Variants in LMO7 observed in about 807,000 individuals in gnomAD.
The protein encoded by LMO7 is LIM domain 7.
LMO7 carries 120 observed loss-of-function variants against 206.5 expected under a neutral mutation model. The observed-to-expected ratio is 0.58, with a 90% CI of 0.50 to 0.68. The LOEUF is 0.68. Ranked by LOEUF, LMO7 falls within the 30% of genes least tolerant of loss-of-function variation. The pLI is 0.00. For synonymous variants in LMO7, 706 were observed against 681.5 expected, an observed-to-expected ratio of 1.04 and a Z score of -0.56; for missense variants, 1,959 against 1,957.9, an observed-to-expected ratio of 1.00 and a Z score of -0.01.
intron 1 of LMO7, among the ~76,000 whole-genome samples, chr13:75,702,979 T>G (rs1489952599): frequency 6.6e-6 from 1 of 152,226 alleles, no homozygotes; most frequent in Non-Finnish European, 1.5e-5. Context: ...CCATATAGTC[T>G]TTCAAAAAGT....
chr13:75,769,824 T>G (rs1401470429), intron 4 of LMO7, among the ~76,000 whole-genome samples: 1 of 152,144 alleles, frequency 6.6e-6, no homozygotes, highest in Non-Finnish European at 1.5e-5. Flanking sequence ...TTTCATTACA[T>G]TATAGTAATA....
In LMO7 at chr13:75,630,710, A is replaced by T. The variant is rs377604927; in HGVS notation, c.225+7390A>T. On this transcript the variant is annotated intron_variant, in intron 2 of 29. Coordinates refer to the LMO7 transcript ENST00000341547. ...CAAAAAAGAAATAGCCACTGTTAAA[A>T]GTTCAGTGATGTTTTTCCCAAATTG... Among the ~76,000 whole-genome samples the T allele has an allele frequency of 1.4e-4, 22 of 152,360 alleles. 1 individual carries two copies. The East Asian group carries it at 4.2e-3, about 29-fold the overall frequency.
Position 75,823,712 on chromosome 13 carries a change from G to A in LMO7, c.2788G>A (p.Asp930Asn). Residue 930 changes from aspartate (D) to asparagine (N), a missense_variant, in exon 15 of 31, where the codon GAT (aspartate) becomes AAT (asparagine). Physicochemically the swap from Asp to Asn is conservative, Grantham distance 23 (BLOSUM62 1). Coordinates refer to ENST00000377534, the MANE Select transcript of LMO7 (RefSeq NM_001306080.2). The part of the protein sequence containing the change: ...SQKEVAATEE[D>N]VTRLPSPTSP... Reference sequence around the variant, plus strand: ...GAAAGAGGTAGCAGCAACAGAAGAAGATGTGACAAGGCTGCCCTCTCCTAC... The same window carrying A: ...GAAAGAGGTAGCAGCAACAGAAGAAAATGTGACAAGGCTGCCCTCTCCTAC... 1 of 1,614,128 alleles carries A rather than the reference G, an allele frequency of 6.2e-7. No individual in the cohort carries two copies. Among genetic ancestry groups the A allele is most frequent in the Non-Finnish European group, 8.5e-7 (1 of 1,180,014 alleles).
intron 13 of LMO7, 94 bp from the exon 14 acceptor site, chr13:75,821,083 A>T: frequency 1.2e-6 from 1 of 859,478 alleles, no homozygotes. Context: ...GCATCATTTT[A>T]TTCCCAGTCC....
chr13:75,744,430 T>A (rs1291223792), intron 3 of LMO7, among the ~76,000 whole-genome samples: 3 of 152,212 alleles, frequency 2.0e-5, no homozygotes, highest in Admixed American at 6.5e-5. Flanking sequence ...TTTTTGAACG[T>A]TAATGAGTTA....
chr13:75,838,453 TAAAAAAAAAAAA>T (rs35202291), intron 20 of LMO7: 4 of 206,158 alleles, frequency 1.9e-5, no homozygotes, highest in Admixed American at 7.2e-5. Context: ...TTTAACTTTG[TAAAAAAAAAAAA>T]AAAAAAAAAG....
intron 1 of LMO7, among the ~76,000 whole-genome samples, chr13:75,664,954 T>C (rs577563347): frequency 7.2e-5 from 11 of 152,334 alleles, no homozygotes; most frequent in Non-Finnish European, 1.6e-4. Context: ...GCACACTTGG[T>C]ATGCCTCATT....
chr13:75,781,954 G>A (rs1042367028), intron 4 of LMO7, among the ~76,000 whole-genome samples: 47 of 152,068 alleles, frequency 3.1e-4, no homozygotes, highest in Non-Finnish European at 1.3e-4. Context: ...CATATCCTTT[G>A]CCCACTTTTT....
At chr13:75,779,309 T>A (rs1218501752) in intron 4 of LMO7, among the ~76,000 whole-genome samples, 2 of 152,040 alleles carry the variant, frequency 1.3e-5, no homozygotes, top group Non-Finnish European at 2.9e-5. Context: ...ATAATTGGGT[T>A]GGAACTAAAT....
chr13:75,697,448 C>T (rs1439480772), intron 1 of LMO7, among the ~76,000 whole-genome samples: 1 of 152,084 alleles, frequency 6.6e-6, no homozygotes, highest in Admixed American at 6.6e-5. Flanking sequence ...AGAGGAAACC[C>T]CTTATAAAAC....
chr13:75,701,222 C>A (rs1462152662), intron 1 of LMO7, among the ~76,000 whole-genome samples: 4 of 152,080 alleles, frequency 2.6e-5, no homozygotes, highest in African/African-American at 9.7e-5. Flanking sequence ...TGTTGGCTTG[C>A]AGTGGGAATC....
At chr13:75,775,696 G>A (rs2050280344) in intron 4 of LMO7, among the ~76,000 whole-genome samples, 2 of 152,080 alleles carry the variant, frequency 1.3e-5, no homozygotes, top group East Asian at 3.9e-4. Context: ...ACAAACACAT[G>A]AAAAACATGC....
chr13:75,628,656 G>GGGC (rs1228042115), intron 2 of LMO7: 1 of 152,146 alleles, frequency 6.6e-6, no homozygotes, highest in Non-Finnish European at 1.5e-5. Context: ...GAACTTATAA[G>GGGC]GGCAGACGCT....
Position 75,713,257 on chromosome 13 carries a change from GTATT to G in LMO7, c.140+8_140+11del. The stretch of plus-strand genomic sequence containing the variant: ...AAATGGTGTTCTGCTGTGTGAGTAA[GTATT>G]TAAAGTATTTAAAAAATAATTCAAA... On this transcript the variant is annotated splice_donor_region_variant and intron_variant, in intron 2 of 30. Coordinates refer to ENST00000377534, the MANE Select transcript of LMO7 (RefSeq NM_001306080.2). The G allele has an allele frequency of 6.3e-7, 1 of 1,583,112 alleles. No individual in the cohort carries two copies. Among genetic ancestry groups the G allele is most frequent in the Non-Finnish European group, 8.6e-7 (1 of 1,158,202 alleles).
intron 13 of LMO7, 74 bp from the exon 14 acceptor site, chr13:75,821,103 G>A (rs780362319): frequency 3.5e-5 from 41 of 1,172,666 alleles, no homozygotes; most frequent in Middle Eastern, 4.1e-4. Context: ...CGTTTCATGC[G>A]TTGATTACTC....
At chr13:75,690,902 C>T (rs1198188611) in intron 1 of LMO7, among the ~76,000 whole-genome samples, 4 of 152,160 alleles carry the variant, frequency 2.6e-5, no homozygotes, top group Non-Finnish European at 4.4e-5. Flanking sequence ...TAATAATTGC[C>T]ACTACTTTTT....
chr13:75,759,271 G>A (rs1022295931), intron 3 of LMO7, among the ~76,000 whole-genome samples: 10 of 152,056 alleles, frequency 6.6e-5, no homozygotes, highest in Non-Finnish European at 2.9e-5. Context: ...GAATTGGGTG[G>A]GGACACACAG....
chr13:75,680,793 T>C (rs2040416752), intron 1 of LMO7, among the ~76,000 whole-genome samples: 1 of 152,064 alleles, frequency 6.6e-6, no homozygotes, highest in Non-Finnish European at 1.5e-5. Context: ...ATTGTTCAAC[T>C]CCCACTTATG....
At chr13:75,698,382 G>A (rs1432126740) in intron 1 of LMO7, among the ~76,000 whole-genome samples, 14 of 152,068 alleles carry the variant, frequency 9.2e-5, no homozygotes, top group Non-Finnish European at 8.8e-5. Flanking sequence ...GCTTACTGCA[G>A]TCTTGAACCT....
Sources: gnomAD v4.1 joint callset for allele counts (sites outside exome capture counted in the v4.1 genomes callset) on GRCh38, gnomAD v4.1.1 for gene constraint, MANE v1.5 for transcripts, NCBI Gene and HGNC (gene_info 2026-07-23, HGNC 2026-07-21) for gene names.